PARD3: variants seen among roughly 807,000 people sequenced by gnomAD.
PARD3 encodes partitioning defective 3 homolog.
In PARD3, 75 loss-of-function variants were observed where a neutral mutation model predicts 155.4. The ratio of observed to expected loss-of-function variants is 0.48; its 90% CI spans 0.40 to 0.58. PARD3 has a LOEUF of 0.58. Ranked by LOEUF, PARD3 falls within the 20% of genes least tolerant of loss-of-function variation. The pLI, the probability that PARD3 is intolerant of heterozygous loss-of-function variation, is 0.00. For missense variants in PARD3, 1,642 were observed against 1,721.7 expected, an observed-to-expected ratio of 0.95 and a Z score of 0.82; for synonymous variants, 576 against 610.5, an observed-to-expected ratio of 0.94 and a Z score of 0.83.
intron 22 of PARD3, among the ~76,000 whole-genome samples, chr10:34,158,004 C>T (rs1949095354): frequency 6.6e-6 from 1 of 152,218 alleles, no homozygotes; most frequent in Non-Finnish European, 1.5e-5. Flanking sequence ...AAAACCATTT[C>T]TATTTCCAAC....
At chr10:34,399,036 G>C (rs1843630483) in intron 7 of PARD3, among the ~76,000 whole-genome samples, 1 of 152,144 alleles carries the variant, frequency 6.6e-6, no homozygotes, top group South Asian at 2.1e-4. Context: ...GTTCTGACTT[G>C]AAAGTCCATC....
At chr10:34,534,956 G>A (rs567493946) in intron 2 of PARD3, among the ~76,000 whole-genome samples, 1 of 152,274 alleles carries the variant, frequency 6.6e-6, no homozygotes, top group Non-Finnish European at 1.5e-5. Flanking sequence ...AGGTTACAGT[G>A]GGCCAAGATC....
chr10:34,364,084 T>G (rs745372928), intron 12 of PARD3, among the ~76,000 whole-genome samples: 1 of 152,144 alleles, frequency 6.6e-6, no homozygotes. Flanking sequence ...AAACTGAGAA[T>G]AGAGCTGGCC....
At chr10:34,131,610 A>C in intron 22 of PARD3, 27 bp from the exon 23 acceptor site, 2 of 1,608,774 alleles carry the variant, frequency 1.2e-6, no homozygotes, top group Non-Finnish European at 1.7e-6. Context: ...GCAGCAGTGA[A>C]TACCCTTCAG....
chr10:34,546,795 A>AT (rs936739677), intron 2 of PARD3, among the ~76,000 whole-genome samples: 4 of 152,158 alleles, frequency 2.6e-5, no homozygotes, highest in South Asian at 2.1e-4. Context: ...TATTTCATAA[A>AT]TTTTTTTAGC....
intron 2 of PARD3, among the ~76,000 whole-genome samples, chr10:34,526,155 T>C (rs1004036097): frequency 2.1e-5 from 3 of 140,776 alleles, no homozygotes; most frequent in African/African-American, 7.9e-5. Context: ...TAAACCAAAA[T>C]CTCTCTTTCT....
At chr10:34,800,565 C>G (rs1188360049) in intron 1 of PARD3, among the ~76,000 whole-genome samples, 1 of 152,026 alleles carries the variant, frequency 6.6e-6, no homozygotes. Flanking sequence ...GAGCCGCGAT[C>G]ATGCCACTGC....
intron 1 of PARD3, among the ~76,000 whole-genome samples, chr10:34,748,434 G>A (rs1446274257): frequency 6.6e-6 from 1 of 152,060 alleles, no homozygotes; most frequent in African/African-American, 2.4e-5. Flanking sequence ...CCAAGATCAG[G>A]CCACTGCACT....
chr10:34,674,750 G>A (rs989140380), intron 2 of PARD3, among the ~76,000 whole-genome samples: 2 of 152,074 alleles, frequency 1.3e-5, no homozygotes, highest in Admixed American at 6.6e-5. Flanking sequence ...GCCTCCCAAA[G>A]TGCTGGGATT....
In PARD3 at chr10:34,331,127, G is replaced by T; in HGVS notation, c.2823C>A (p.Gly941=). ...DKPAVDDDDE[G]METLEEDTEE... Reference sequence around the variant, plus strand: ...CCATTATAAACTTACAGGTCTCCATGCCTTCATCATCATCATCTACCGCGG... The same window carrying T: ...CCATTATAAACTTACAGGTCTCCATTCCTTCATCATCATCATCTACCGCGG... Residue 941 remains glycine (G), a synonymous_variant, in exon 19 of 25, where the codon GGC becomes GGA. Coordinates refer to ENST00000374788, the MANE Select transcript of PARD3 (RefSeq NM_001184785.2). 1.2e-6 allele frequency: 2 copies of T among 1,611,584 alleles called. No homozygotes were observed. The highest frequency in any genetic ancestry group is 1.7e-6 in the Non-Finnish European group (2 of 1,177,738).
chr10:34,414,217 G>A (rs189503351), intron 5 of PARD3, among the ~76,000 whole-genome samples: 161 of 148,806 alleles, frequency 1.1e-3, no homozygotes, highest in South Asian at 4.1e-3. Context: ...CAAGACCCTC[G>A]CTCTTAAAAA....
chr10:34,301,132 A>C (rs1217457857), intron 20 of PARD3, among the ~76,000 whole-genome samples: 1 of 152,190 alleles, frequency 6.6e-6, no homozygotes, highest in Non-Finnish European at 1.5e-5. Context: ...CTGCTTCTTA[A>C]AACAGGGATA....
chr10:34,579,766 TG>T (rs1237668432), intron 2 of PARD3, among the ~76,000 whole-genome samples: 1 of 151,888 alleles, frequency 6.6e-6, no homozygotes, highest in Non-Finnish European at 1.5e-5. Context: ...TTCTTGAGAC[TG>T]GGTTTCACCA....
chr10:34,526,161 T>C (rs2082468946), intron 2 of PARD3, among the ~76,000 whole-genome samples: 1 of 151,150 alleles, frequency 6.6e-6, no homozygotes, highest in Admixed American at 6.6e-5. Context: ...AAAATCTCTC[T>C]TTCTCTCATA....
intron 20 of PARD3, among the ~76,000 whole-genome samples, chr10:34,306,693 T>C (rs1393757017): frequency 6.6e-6 from 1 of 152,168 alleles, no homozygotes; most frequent in African/African-American, 2.4e-5. Flanking sequence ...CGTAGATCCA[T>C]GGAGCATGAA....
intron 5 of PARD3, among the ~76,000 whole-genome samples, chr10:34,412,791 T>C (rs997317762): frequency 3.3e-5 from 5 of 152,168 alleles, no homozygotes; most frequent in African/African-American, 1.2e-4. Flanking sequence ...GCTCCTTTTA[T>C]ATGAAACATT....
chr10:34,609,964 T>C (rs745582272), intron 2 of PARD3, among the ~76,000 whole-genome samples: 1 of 152,196 alleles, frequency 6.6e-6, no homozygotes, highest in Non-Finnish European at 1.5e-5. Context: ...TTATTTTTAT[T>C]AAGAGTAGTG....
At chr10:34,583,666 T>C (rs1391786018) in intron 2 of PARD3, among the ~76,000 whole-genome samples, 2 of 152,186 alleles carry the variant, frequency 1.3e-5, no homozygotes, top group South Asian at 2.1e-4. Context: ...GAGGAAACCT[T>C]ATCTTCCAGA....
At chr10:34,675,438 C>A (rs907376353) in intron 2 of PARD3, among the ~76,000 whole-genome samples, 11 of 152,158 alleles carry the variant, frequency 7.2e-5, no homozygotes, top group African/African-American at 2.7e-4. Flanking sequence ...TGAATTTCAA[C>A]CATTTACTTC....
Sources: gnomAD v4.1 joint callset for allele counts (sites outside exome capture counted in the v4.1 genomes callset) on GRCh38, gnomAD v4.1.1 for gene constraint, MANE v1.5 for transcripts, NCBI Gene and HGNC (gene_info 2026-07-23, HGNC 2026-07-21) for gene names.